Variants in TPCN1 observed in about 807,000 individuals in gnomAD.
The protein encoded by TPCN1 is two pore channel protein 1.
TPCN1 carries 52 observed loss-of-function variants against 108.8 expected under a neutral mutation model. That is an observed-to-expected ratio of 0.48 (90% confidence interval 0.38 to 0.60). The LOEUF (loss-of-function observed/expected upper bound fraction) is 0.60. TPCN1 is among the 20% of genes least tolerant of loss of function. The pLI, the probability that TPCN1 is intolerant of heterozygous loss-of-function variation, is 0.00. For missense variants in TPCN1, 806 were observed against 1,072.8 expected, an observed-to-expected ratio of 0.75 and a Z score of 3.47; for synonymous variants, 446 against 433.7, an observed-to-expected ratio of 1.03 and a Z score of -0.35.
chr12:113,225,299 T>C (rs1253806287), intron 1 of TPCN1: 1 of 449,438 alleles, frequency 2.2e-6, no homozygotes, highest in Admixed American at 2.4e-5. Context: ...GCTCAAGCAG[T>C]TCTCCCACCT....
chr12:113,267,789 G>A, intron 4 of TPCN1, 54 bp from the exon 5 acceptor site: 1 of 1,233,390 alleles, frequency 8.1e-7, no homozygotes, highest in Non-Finnish European at 1.2e-6. Context: ...GGGCAAAGAG[G>A]AGTGGCCATG....
chr12:113,236,081 A>G (rs1434731366), intron 2 of TPCN1, among the ~76,000 whole-genome samples: 1 of 152,154 alleles, frequency 6.6e-6, no homozygotes, highest in African/African-American at 2.4e-5. Flanking sequence ...GGTGGCGGAA[A>G]AGCCCCGGGC....
intron 3 of TPCN1, among the ~76,000 whole-genome samples, chr12:113,260,696 C>A (rs1954998097): frequency 6.6e-6 from 1 of 152,140 alleles, no homozygotes; most frequent in Non-Finnish European, 1.5e-5. Context: ...GTCTTCAGAC[C>A]CCTGTTTAGG....
At chr12:113,235,395 T>A (rs1241961620) in intron 2 of TPCN1, among the ~76,000 whole-genome samples, 1 of 152,226 alleles carries the variant, frequency 6.6e-6, no homozygotes, top group Non-Finnish European at 1.5e-5. Context: ...TACTGTTTTT[T>A]AAAAGTGATT....
chr12:113,225,047 A>G (rs1023484720), intron 1 of TPCN1, among the ~76,000 whole-genome samples: 6 of 152,042 alleles, frequency 3.9e-5, no homozygotes, highest in African/African-American at 1.4e-4. Context: ...CACCGTGCCC[A>G]GCCTTTTATT....
intron 2 of TPCN1, among the ~76,000 whole-genome samples, chr12:113,234,396 A>G (rs1953805581): frequency 6.6e-6 from 1 of 152,200 alleles, no homozygotes; most frequent in African/African-American, 2.4e-5. Context: ...GGAGCGGGGC[A>G]TGAGGTTAGA....
intron 26 of TPCN1, 55 bp downstream of exon 26, chr12:113,293,128 C>T: frequency 1.2e-6 from 2 of 1,601,408 alleles, no homozygotes; most frequent in Middle Eastern, 1.7e-4. Flanking sequence ...GTGTGGGTGG[C>T]ATAATCCCTT....
intron 15 of TPCN1, among the ~76,000 whole-genome samples, chr12:113,282,451 A>G (rs1955920112): frequency 6.6e-6 from 1 of 151,418 alleles, no homozygotes; most frequent in Non-Finnish European, 1.5e-5. Flanking sequence ...TGCTTTTGGC[A>G]TTTAATTTTG....
At chr12:113,230,980 A>G (rs1345187919) in intron 2 of TPCN1, among the ~76,000 whole-genome samples, 2 of 152,248 alleles carry the variant, frequency 1.3e-5, no homozygotes, top group Admixed American at 6.5e-5. Flanking sequence ...GGTGGCTGCC[A>G]TCACTGACCT....
At chr12:113,233,826 C>T (rs1235665724) in intron 2 of TPCN1, among the ~76,000 whole-genome samples, 1 of 152,136 alleles carries the variant, frequency 6.6e-6, no homozygotes, top group Non-Finnish European at 1.5e-5. Context: ...AACGGAGGCT[C>T]TCAGAGGTTG....
At chr12:113,223,891 A>G (rs554809045) in intron 1 of TPCN1, among the ~76,000 whole-genome samples, 23 of 152,262 alleles carry the variant, frequency 1.5e-4, no homozygotes, top group Non-Finnish European at 2.4e-4. Context: ...CTTTTACTGT[A>G]TTAAAAAATA....
Position 113,273,541 on chromosome 12 carries a change from C to T in TPCN1, c.843-28C>T, listed in dbSNP as rs776954104. 7.0e-6 allele frequency: 11 copies of T among 1,565,046 alleles called. No homozygotes were observed. Among genetic ancestry groups the T allele is most frequent in the Non-Finnish European group, 9.7e-6 (11 of 1,135,578 alleles). On this transcript the variant is annotated intron_variant, in intron 9 of 27. Transcript: ENST00000335509. This position sits in a 1 kb window ranked among gnomAD's most constrained non-coding sequence, Gnocchi z 4.0. ...AGAGGATGGAGACAGGCAGATACAG[C>T]ACGCCGGGTCACCCTCTGCAAATAC... is the stretch of plus-strand genomic sequence containing the variant.
chr12:113,293,260 C>T lies in TPCN1; in HGVS notation c.2254-9C>T, dbSNP rs1956326593. On this transcript the variant is annotated splice_polypyrimidine_tract_variant and intron_variant, in intron 26 of 27. Coordinates refer to ENST00000335509, the MANE Select transcript of TPCN1 (RefSeq NM_017901.6). ...GCAGCCGAGCCCTGCAGCCTCTGCT[C>T]TTCCTTAGCAACATTCCATGGTGTT... 6.2e-7 allele frequency: 1 copy of T among 1,614,030 alleles called. No homozygotes were observed.
chr12:113,286,833 G>T (rs1192420821), intron 18 of TPCN1, among the ~76,000 whole-genome samples, 154 bp from the exon 19 acceptor site: 1 of 152,190 alleles, frequency 6.6e-6, no homozygotes, highest in Non-Finnish European at 1.5e-5. Flanking sequence ...AAACCCCAGG[G>T]TGGCAGGAAG....
chr12:113,262,964 C>T (rs938924718), intron 3 of TPCN1, among the ~76,000 whole-genome samples: 1 of 152,166 alleles, frequency 6.6e-6, no homozygotes, highest in African/African-American at 2.4e-5. Flanking sequence ...CCTTGTGCAT[C>T]TCCTTGAAAA....
chr12:113,245,600 C>CAAAAAAAAAAAA (rs766002477), intron 2 of TPCN1, among the ~76,000 whole-genome samples: 1 of 43,196 alleles, frequency 2.3e-5, no homozygotes, highest in Non-Finnish European at 4.3e-5. Context: ...GACTCCGTCT[C>CAAAAAAAAAAAA]AAAAAAAAAA....
In TPCN1 at chr12:113,273,203, C is replaced by T. The variant is rs776776956; in HGVS notation, c.784-29C>T. ...ATGGCCGTGTGCTCTTGGCTGGTCC[C>T]GACTTCTCTGCCCTCTCTTCCCTTG... On this transcript the variant is annotated intron_variant, in intron 8 of 27. Coordinates refer to ENST00000335509, the MANE Select transcript of TPCN1 (RefSeq NM_017901.6). The surrounding 1 kb of genome is among the most constrained non-coding windows in gnomAD (Gnocchi z 4.0). 1.3e-5 allele frequency: 21 copies of T among 1,612,638 alleles called. No homozygotes were observed. Among genetic ancestry groups the T allele is most frequent in the East Asian group, 8.9e-5 (4 of 44,876 alleles).
chr12:113,239,482 TCTA>T, intron 2 of TPCN1, among the ~76,000 whole-genome samples: 1 of 152,216 alleles, frequency 6.6e-6, no homozygotes, highest in Non-Finnish European at 1.5e-5. Flanking sequence ...TCATGTCTCT[TCTA>T]CACATATTCT....
intron 15 of TPCN1, among the ~76,000 whole-genome samples, chr12:113,282,959 C>T (rs1169829855): frequency 1.3e-5 from 2 of 151,974 alleles, no homozygotes; most frequent in African/African-American, 4.8e-5. Flanking sequence ...CGCCTGTGGT[C>T]CCAGCTACTT....
Sources: gnomAD v4.1 joint callset for allele counts (sites outside exome capture counted in the v4.1 genomes callset) on GRCh38, gnomAD v4.1.1 for gene constraint, Gnocchi (gnomAD v3.1) non-coding constraint, MANE v1.5 for transcripts, NCBI Gene and HGNC (gene_info 2026-07-23, HGNC 2026-07-21) for gene names.